The following ATP6V0A2 variants were observed in gnomAD, a reference collection of about 807,000 sequenced individuals.
The protein encoded by ATP6V0A2 is ATPase H+ transporting V0 subunit a2.
A neutral mutation model predicts 104.4 loss-of-function variants in ATP6V0A2; 58 were observed. That is an observed-to-expected ratio of 0.56 (90% CI 0.45 to 0.69). The LOEUF is 0.69. ATP6V0A2 is among the 30% of genes least tolerant of loss of function. The pLI is 0.00. For synonymous variants in ATP6V0A2, 376 were observed against 397.9 expected (o/e 0.95, Z 0.65); for missense variants, 938 against 1,062.9 (o/e 0.88, Z 1.63).
chr12:123,742,354 T>A (rs1283080415), intron 9 of ATP6V0A2, among the ~76,000 whole-genome samples: 1 of 152,226 alleles, frequency 6.6e-6, no homozygotes, highest in African/African-American at 2.4e-5. Flanking sequence ...GTCTTGTAGC[T>A]GTTGGTGGTT....
At chr12:123,715,284 A>T (rs1956329176) in intron 1 of ATP6V0A2, among the ~76,000 whole-genome samples, 1 of 152,194 alleles carries the variant, frequency 6.6e-6, no homozygotes, top group African/African-American at 2.4e-5. Context: ...ACAGCTTTAG[A>T]CACAGAACTT....
chr12:123,760,218 T>C lies in ATP6V0A2; in HGVS notation c.*2186T>C, dbSNP rs538237361. ...CTCATGGGGCCACTTTTTTAACTCT[T>C]TCTAATTAACACCTCTTCTCAGCAT... is the stretch of plus-strand genomic sequence containing the variant. On this transcript the variant is annotated 3_prime_UTR_variant, in exon 20 of 20. Transcript: ENST00000330342. 5.1e-4 allele frequency: 78 copies of C among 152,248 alleles called. No homozygotes were observed. Among genetic ancestry groups the C allele is most frequent in the African/African-American group, 1.9e-3 (77 of 41,600 alleles). The allele number at this position is 152,248 out of a possible 1,614,324, so 9.4% of individuals were successfully genotyped here.
At chr12:123,729,279 C>A (rs1319557112) in intron 6 of ATP6V0A2, among the ~76,000 whole-genome samples, 1 of 148,588 alleles carries the variant, frequency 6.7e-6, no homozygotes, top group Non-Finnish European at 1.5e-5. Flanking sequence ...TGTTGCAATT[C>A]CTCTCACACG....
chr12:123,749,617 C>T (rs544068038), intron 15 of ATP6V0A2, among the ~76,000 whole-genome samples: 6 of 152,342 alleles, frequency 3.9e-5, no homozygotes, highest in South Asian at 2.1e-4. Context: ...AAAGTGCGTA[C>T]GAACGTGCTT....
chr12:123,760,272 T>C lies in ATP6V0A2; in HGVS notation c.*2240T>C, dbSNP rs1028164602. The C allele has an allele frequency of 6.6e-6, 1 of 152,240 alleles. No individual in the cohort carries two copies. The highest frequency in any genetic ancestry group is 1.5e-5 in the Non-Finnish European group (1 of 68,036). The allele number at this position is 152,240 out of a possible 1,614,324, so 9.4% of individuals were successfully genotyped here. ...GCAGAGGATGCAGTCATTTCTCTGT[T>C]GAAATCTATGTAGTATTTATGTAGA... On this transcript the variant is annotated 3_prime_UTR_variant, in exon 20 of 20. Transcript: ENST00000330342.
Position 123,756,856 on chromosome 12 carries a change from C to G in ATP6V0A2, c.2335C>G (p.Leu779Val), listed in dbSNP as rs1289485537. Reference protein sequence around the residue: ...VLWAMLMRVGLRVDTTYGVLL... With the variant: ...VLWAMLMRVGVRVDTTYGVLL... ...GTGGGCCATGCTGATGCGCGTGGGC[C>G]TCCGCGTTGACACCACCTATGGCGT... Residue 779 changes from leucine (L) to valine (V), a missense_variant, in exon 19 of 20, where the codon CTC becomes GTC. By Grantham distance (32) the Leu-to-Val change is conservative. Coordinates refer to ENST00000330342, the MANE Select transcript of ATP6V0A2 (RefSeq NM_012463.4). The G allele has an allele frequency of 2.5e-6, 4 of 1,614,068 alleles. No homozygotes were observed. The highest frequency in any genetic ancestry group is 1.7e-6 in the Non-Finnish European group (2 of 1,180,050).
At chr12:123,720,468 G>GGGA (rs1394093624) in intron 2 of ATP6V0A2, among the ~76,000 whole-genome samples, 2 of 152,222 alleles carry the variant, frequency 1.3e-5, no homozygotes, top group Non-Finnish European at 2.9e-5. Flanking sequence ...AGGCCAAGGT[G>GGGA]GGAGGATCAC....
chr12:123,724,876 C>T (rs996319694), intron 4 of ATP6V0A2, 85 bp downstream of exon 4: 10 of 1,142,452 alleles, frequency 8.8e-6, no homozygotes, highest in Non-Finnish European at 1.3e-5. Context: ...GTGTATTTTG[C>T]TATTAGTTCA....
At chr12:123,749,680 C>T (rs987772645) in intron 15 of ATP6V0A2, among the ~76,000 whole-genome samples, 6 of 152,218 alleles carry the variant, frequency 3.9e-5, no homozygotes, top group African/African-American at 1.2e-4. Context: ...TCTTACCCAC[C>T]TTACATTGAG....
intron 4 of ATP6V0A2, among the ~76,000 whole-genome samples, chr12:123,725,985 T>C (rs1821451246): frequency 6.6e-6 from 1 of 152,190 alleles, no homozygotes; most frequent in South Asian, 2.1e-4. Flanking sequence ...GTCTTTTATG[T>C]AAATGTCTTC....
intron 1 of ATP6V0A2, among the ~76,000 whole-genome samples, chr12:123,716,174 C>G (rs1336288811): frequency 6.6e-6 from 1 of 151,606 alleles, no homozygotes; most frequent in Non-Finnish European, 1.5e-5. Context: ...TCAAGTGATT[C>G]TCATGCCTCA....
Position 123,758,399 on chromosome 12 carries a change from A to T in ATP6V0A2, c.*367A>T, listed in dbSNP as rs1956783991. 6.2e-6 allele frequency: 1 copy of T among 160,866 alleles called. No homozygotes were observed. Among genetic ancestry groups the T allele is most frequent in the African/African-American group, 2.4e-5 (1 of 41,678 alleles). The allele number at this position is 160,866 out of a possible 1,614,324, so 10.0% of individuals were successfully genotyped here. Reference sequence around the variant, plus strand: ...TTTATTTAAAACAAACAACAGAGTTAATCTGTCACCTGAAGTTGCCAGATA... The same window carrying T: ...TTTATTTAAAACAAACAACAGAGTTTATCTGTCACCTGAAGTTGCCAGATA... On this transcript the variant is annotated 3_prime_UTR_variant, in exon 20 of 20. Coordinates refer to ENST00000330342, the MANE Select transcript of ATP6V0A2 (RefSeq NM_012463.4).
In ATP6V0A2 at chr12:123,733,812, T is replaced by G. The variant is rs10744159; in HGVS notation, c.649-114T>G. The G allele has an allele frequency of 0.66, 525,737 of 795,124 alleles. 176,735 individuals carry two copies. Among genetic ancestry groups the G allele is most frequent in the East Asian group, 0.95 (38,997 of 40,850 alleles). The allele number at this position is 795,124 out of a possible 1,614,324, so 49.3% of individuals were successfully genotyped here. A position where few individuals can be genotyped will look rare whatever the true frequency, so the allele number is the denominator to read the frequency against. On this transcript the variant is annotated intron_variant, in intron 6 of 19. Transcript: ENST00000330342. ...AATTACAGAATCCTCAAATAAGGAG[T>G]ATTGACTGTATTGAATGAGTGAATG...
At chr12:123,729,580 G>A (rs548380728) in intron 6 of ATP6V0A2, among the ~76,000 whole-genome samples, 38 of 152,082 alleles carry the variant, frequency 2.5e-4, no homozygotes, top group Non-Finnish European at 4.4e-4. Flanking sequence ...GAGAGACAGA[G>A]TCATAATCAC....
intron 17 of ATP6V0A2, 120 bp from the exon 18 acceptor site, chr12:123,754,300 T>G: frequency 1.2e-6 from 1 of 804,910 alleles, no homozygotes; most frequent in East Asian, 2.4e-5. Context: ...TCTAGCGTGT[T>G]CTTACCAGCA....
rs756706967 is a variant in ATP6V0A2, at chr12:123,726,305, G to GGACA, written c.521+20_521+21insGACA. 23 of 1,579,460 alleles carry GGACA rather than the reference G, an allele frequency of 1.5e-5. No homozygotes were observed. In the East Asian group the frequency reaches 5.1e-4, roughly 35 times the overall value. ...ACTGGGGTAGGTGACAAGGCCTGGG[G>GGACA]TGTCAGGCTTCATACTGCCCTTCTT... On this transcript the variant is annotated intron_variant, in intron 5 of 19. Transcript: ENST00000330342.
chr12:123,751,341 C>G (rs1956712245), intron 16 of ATP6V0A2, 112 bp downstream of exon 16: 12 of 1,502,842 alleles, frequency 8.0e-6, no homozygotes, highest in Admixed American at 1.7e-5. Flanking sequence ...GATTTAAAAG[C>G]CAAAGCTCCC....
intron 6 of ATP6V0A2, chr12:123,732,477 G>A: frequency 6.5e-6 from 1 of 152,708 alleles, no homozygotes; most frequent in Non-Finnish European, 1.5e-5. Flanking sequence ...CGCACAATGG[G>A]CCTGTGGCCC....
chr12:123,724,853 A>C, intron 4 of ATP6V0A2, 62 bp downstream of exon 4: 393 of 1,434,184 alleles, frequency 2.7e-4, no homozygotes, highest in Non-Finnish European at 3.5e-4. Context: ...TAAAAATCTC[A>C]TTCCCATAGG....
Sources: allele counts gnomAD v4.1 joint callset (sites outside exome capture counted in the v4.1 genomes callset), GRCh38; gene constraint gnomAD v4.1.1; transcripts MANE v1.5; gene names NCBI Gene and HGNC (gene_info 2026-07-23, HGNC 2026-07-21).